Variants in LRRC61 observed in about 807,000 individuals in gnomAD.
LRRC61 encodes leucine rich repeat containing 61.
A neutral mutation model predicts 15.1 loss-of-function variants in LRRC61; 9 were observed. That is an observed-to-expected ratio of 0.60 (90% CI 0.36 to 1.04). The LOEUF (loss-of-function observed/expected upper bound fraction) is 1.04. Among genes scored for constraint, LRRC61 ranks in the 50% least tolerant of loss-of-function variants. LRRC61 has a pLI of 0.01. For synonymous variants in LRRC61, 173 were observed against 158.6 expected, an observed-to-expected ratio of 1.09 and a Z score of -0.68; for missense variants, 344 against 335.6, an observed-to-expected ratio of 1.03 and a Z score of -0.20.
chr7:150,318,336 A>C (rs1444700724), upstream of LRRC61, among the ~76,000 whole-genome samples: 1 of 152,204 alleles, frequency 6.6e-6, no homozygotes, highest in South Asian at 2.1e-4. Context: ...GCTTTCAGAG[A>C]GAGTACAACA....
In LRRC61 at chr7:150,336,750, C is replaced by G. The variant is rs1798304944; in HGVS notation, c.-112C>G. ...CTGGCTTCGAGCAGGGCATCGGAAC[C>G]AGGCCTCCTGGCACTGGCCTGGGTA... On this transcript the variant is annotated 5_prime_UTR_variant, in exon 3 of 3. Transcript: ENST00000359623. 7.0e-7 allele frequency: 1 copy of G among 1,430,480 alleles called. No individual in the cohort carries two copies. The highest frequency in any genetic ancestry group is 2.2e-5 in the Admixed American group (1 of 44,880). The allele number at this position is 1,430,480 out of a possible 1,614,324, so 88.6% of individuals were successfully genotyped here.
upstream of LRRC61, among the ~76,000 whole-genome samples, chr7:150,319,295 C>T (rs1431361472): frequency 6.6e-6 from 1 of 151,992 alleles, no homozygotes; most frequent in Non-Finnish European, 1.5e-5. Context: ...ACAAGCTCCG[C>T]CTCTCAGGTT....
At position 150,336,961 on chromosome 7, in the gene LRRC61, C is replaced by T; in HGVS notation, c.100C>T (p.Leu34=). 1.9e-6 allele frequency: 3 copies of T among 1,614,030 alleles called. No homozygotes were observed. Among genetic ancestry groups the T allele is most frequent in the Non-Finnish European group, 2.5e-6 (3 of 1,180,048 alleles). The change falls in exon 3 of 3, where the codon CTG becomes TTG. Residue 34 remains leucine, a synonymous_variant. Transcript: ENST00000359623. ...RTGEFSLESI[L]LLKLRGLGLA... is the part of the protein sequence containing the mutation. ...AGGCGAGTTCTCCCTGGAGTCCATC[C>T]TGCTACTGAAGCTGCGTGGCTTGGG... is the stretch of plus-strand genomic sequence containing the variant.
Position 150,337,197 on chromosome 7 carries a change from G to C in LRRC61, c.336G>C (p.Pro112=). The change falls in exon 3 of 3, where the codon CCG becomes CCC. Residue 112 remains proline (P), a synonymous_variant. Transcript: ENST00000359623. The stretch of plus-strand genomic sequence containing the variant: ...CCGCAGGCAACCTACTGGCCACCCC[G>C]GGCCAGCTGCAGTGTCTGGCTGGGC... ...LNAAGNLLAT[P]GQLQCLAGLP... 2 of 1,606,798 alleles carry C rather than the reference G, an allele frequency of 1.2e-6. No individual in the cohort carries two copies. The highest frequency in any genetic ancestry group is 1.1e-5 in the South Asian group (1 of 91,084).
At chr7:150,313,603 C>T in the LRRC61 span, among the ~76,000 whole-genome samples, 2 of 152,182 alleles carry the variant, frequency 1.3e-5, no homozygotes, top group African/African-American at 4.8e-5. Flanking sequence ...TACAGTGAGG[C>T]ATATCCAACC....
the LRRC61 span, among the ~76,000 whole-genome samples, chr7:150,318,190 G>A: frequency 6.6e-6 from 1 of 152,162 alleles, no homozygotes; most frequent in African/African-American, 2.4e-5. Context: ...GAGGTTTCCT[G>A]CGGTTTGGAT....
At chr7:150,318,786 A>G (rs1797196925), upstream of LRRC61, among the ~76,000 whole-genome samples, 1 of 146,352 alleles carries the variant, frequency 6.8e-6, no homozygotes, top group Non-Finnish European at 1.5e-5. Flanking sequence ...AAGAACATAC[A>G]GAGTTTTTCA....
chr7:150,316,339 A>G, the LRRC61 span, among the ~76,000 whole-genome samples: 1 of 152,176 alleles, frequency 6.6e-6, no homozygotes, highest in Non-Finnish European at 1.5e-5. Flanking sequence ...GCACACATAC[A>G]TAGTGTTTCG....
At chr7:150,311,562 C>T in the LRRC61 span, among the ~76,000 whole-genome samples, 26 of 152,284 alleles carry the variant, frequency 1.7e-4, 1 homozygote, top group Middle Eastern at 0.01. Flanking sequence ...TGCCCATGGG[C>T]CCGATTTCAA....
At chr7:150,318,020 A>ATG in the LRRC61 span, among the ~76,000 whole-genome samples, 5 of 152,220 alleles carry the variant, frequency 3.3e-5, no homozygotes, top group Non-Finnish European at 7.3e-5. Flanking sequence ...AGGTTGCAAG[A>ATG]AAATGGGGAT....
rs1239566116 is a variant in LRRC61 at position 150,337,110 on chromosome 7, C to T, written c.249C>T (p.Ser83=). Residue 83 remains serine, a synonymous_variant, in exon 3 of 3, where the codon TCC becomes TCT. Transcript: ENST00000359623. ...SLRQLAVLNV[S]NNRLTGLEPL... ...GCCAGCTAGCTGTGCTCAATGTCTC[C>T]AACAATCGGCTGACGGGCCTGGAGC... The T allele has an allele frequency of 3.1e-6, 5 of 1,612,470 alleles. No homozygotes were observed. The highest frequency in any genetic ancestry group is 4.2e-6 in the Non-Finnish European group (5 of 1,179,864).
At chr7:150,315,800 AAC>A in the LRRC61 span, among the ~76,000 whole-genome samples, 2 of 152,036 alleles carry the variant, frequency 1.3e-5, no homozygotes. Context: ...TTTTAATAAA[AAC>A]ACAGACACAA....
At chr7:150,323,872 C>T (rs925847170) in intron 1 of LRRC61, 2 of 362,188 alleles carry the variant, frequency 5.5e-6, no homozygotes, top group Admixed American at 3.3e-5. Context: ...TGCTCAGAGA[C>T]GGGCTCTGGA....
chr7:150,337,255 C>G lies in LRRC61; in HGVS notation c.394C>G (p.Pro132Ala). 1 of 1,603,824 alleles carries G rather than the reference C, an allele frequency of 6.2e-7. No individual in the cohort carries two copies. Among genetic ancestry groups the G allele is most frequent in the Non-Finnish European group, 8.5e-7 (1 of 1,179,922 alleles). ...PCLEYLRLRD[P>A]LARLSNPLCA... ...CCTGGAGTACCTGCGGCTCCGAGAC[C>G]CTTTGGCCCGGCTCAGCAACCCGCT... is the stretch of plus-strand genomic sequence containing the variant. The change falls in exon 3 of 3, where the codon CCT (proline) becomes GCT (alanine). Residue 132 changes from proline (P) to alanine (A), a missense_variant. Pro to Ala is a conservative substitution (Grantham distance 27, BLOSUM62 -1). Transcript: ENST00000359623.
Position 150,324,215 on chromosome 7 carries a change from C to T in LRRC61, c.-315+655C>T, listed in dbSNP as rs1797848953. 4.4e-5 allele frequency: 7 copies of T among 160,628 alleles called. No homozygotes were observed. The South Asian group carries it at 1.1e-3, about 26-fold the overall frequency. The allele number at this position is 160,628 out of a possible 1,614,324, so 10.0% of individuals were successfully genotyped here. On this transcript the variant is annotated intron_variant, in intron 1 of 2. Transcript: ENST00000359623. ...GGGCCCAGCAGGTGCTTAAAATCCC[C>T]TGCCTGGTGGGGGTGGAGTAGACAC... is the stretch of plus-strand genomic sequence containing the variant.
At chr7:150,321,895 G>A (rs1044512883), upstream of LRRC61, among the ~76,000 whole-genome samples, 14 of 152,234 alleles carry the variant, frequency 9.2e-5, no homozygotes, top group African/African-American at 3.4e-4. Context: ...GAAAGATATG[G>A]GAAAAGCTGA....
At chr7:150,313,180 C>T in the LRRC61 span, among the ~76,000 whole-genome samples, 7 of 152,216 alleles carry the variant, frequency 4.6e-5, no homozygotes, top group Non-Finnish European at 7.3e-5. Flanking sequence ...TACCTCCCTT[C>T]GCTGACTCTC....
Position 150,337,535 on chromosome 7 carries a change from A to AGTGCTG in LRRC61, c.674_675insGTGCTG (p.Asp225delinsGluCysCys), listed in dbSNP as rs1491363482. 6.9e-6 allele frequency: 11 copies of AGTGCTG among 1,604,932 alleles called. No individual in the cohort carries two copies. Among genetic ancestry groups the AGTGCTG allele is most frequent in the Non-Finnish European group, 8.5e-6 (10 of 1,178,604 alleles). On this transcript the variant is annotated protein_altering_variant, in exon 3 of 3. Coordinates refer to ENST00000359623, the MANE Select transcript of LRRC61 (RefSeq NM_001142928.2). ...GAGGAGGCCTGCCGGCAGTTCCAGG[A>AGTGCTG]CACACTGCAGGAGTGCTGGGACCTG... is the stretch of plus-strand genomic sequence containing the variant.
chr7:150,312,137 T>C, the LRRC61 span, among the ~76,000 whole-genome samples: 47,700 of 152,004 alleles, frequency 0.31, 7,876 homozygotes, highest in East Asian at 0.43. Context: ...CCTCCACACC[T>C]GCTAATATTC....
Sources: allele counts gnomAD v4.1 joint callset (sites outside exome capture counted in the v4.1 genomes callset), GRCh38; gene constraint gnomAD v4.1.1; transcripts MANE v1.5; gene names NCBI Gene and HGNC (gene_info 2026-07-23, HGNC 2026-07-21).